The following CIT variants were observed in gnomAD, a reference collection of about 807,000 sequenced individuals.
CIT encodes the protein citron rho-interacting serine/threonine kinase.
A neutral mutation model predicts 272.7 loss-of-function variants in CIT; 79 were observed. That is an observed-to-expected ratio of 0.29 (90% CI 0.24 to 0.35). CIT has a LOEUF of 0.35. CIT is among the 10% of genes least tolerant of loss of function. The pLI is 1.00. For missense variants in CIT, 1,909 were observed against 2,618.3 expected (o/e 0.73, Z 5.91); for synonymous variants, 948 against 995.6 (o/e 0.95, Z 0.90).
chr12:119,760,201 A>G lies in CIT; in HGVS notation c.2421+738T>C, dbSNP rs1961584103. On this transcript the variant is annotated intron_variant, in intron 20 of 47. Transcript: ENST00000392521. ...GATTCCATCTCAAAAAAAAAAAAAA[A>G]AAAGAGAGAGATTCTGATATGGTAA... 1.3e-5 allele frequency among the ~76,000 whole-genome samples: 2 copies of G among 151,760 alleles called. 1 individual carries two copies. Among genetic ancestry groups the G allele is most frequent in the African/African-American group, 4.8e-5 (2 of 41,298 alleles).
Position 119,690,258 on chromosome 12 carries a change from T to A in CIT, c.6079A>T (p.Met2027Leu). The A allele has an allele frequency of 6.4e-7, 1 of 1,569,542 alleles. No homozygotes were observed. The highest frequency in any genetic ancestry group is 2.0e-5 in the Admixed American group (1 of 51,066). ...GACCGCTCTCTCCGCGTGCTGAGCA[T>A]CCGGCCGGGGGACTTCTCTCGCTCC... Reference protein sequence around the residue: ...PLEREKSPGRMLSTRRERSPG... With the variant: ...PLEREKSPGRLLSTRRERSPG... Residue 2027 changes from methionine to leucine, a missense_variant, in exon 47 of 48, where the codon ATG becomes TTG. By Grantham distance (15) the Met-to-Leu change is conservative. This residue lies in a region of CIT where 780 missense variants were observed against 1,067.2 expected (regional missense o/e 0.73). Transcript: ENST00000392521. The surrounding 1 kb of genome is among the most constrained non-coding windows in gnomAD (Gnocchi z 6.0).
intron 19 of CIT, among the ~76,000 whole-genome samples, chr12:119,763,360 A>G (rs192212744): frequency 9.5e-5 from 1 of 10,570 alleles, no homozygotes; most frequent in South Asian, 1.9e-3. Context: ...AGCTGGGACT[A>G]CAGATGTGTG....
chr12:119,763,391 T>C (rs929116910), intron 19 of CIT, among the ~76,000 whole-genome samples: 5 of 152,348 alleles, frequency 3.3e-5, no homozygotes, highest in African/African-American at 1.2e-4. Flanking sequence ...GGCTAATTTT[T>C]GTATTTTTTG....
intron 28 of CIT, among the ~76,000 whole-genome samples, chr12:119,722,748 C>T (rs1274986409): frequency 6.6e-6 from 1 of 152,154 alleles, no homozygotes; most frequent in African/African-American, 2.4e-5. Flanking sequence ...GAACAAAGTG[C>T]CCAGTATACA....
chr12:119,816,632 G>A (rs2137994447), intron 9 of CIT, among the ~76,000 whole-genome samples: 1 of 152,298 alleles, frequency 6.6e-6, no homozygotes, highest in East Asian at 1.9e-4. Flanking sequence ...AGATGATTCC[G>A]ATGCTGCCGG....
intron 26 of CIT, among the ~76,000 whole-genome samples, chr12:119,731,520 G>C (rs1958442411): frequency 6.7e-6 from 1 of 149,842 alleles, no homozygotes; most frequent in East Asian, 1.9e-4. Flanking sequence ...ACTTGAATCT[G>C]ATGAGTGTCT....
intron 4 of CIT, among the ~76,000 whole-genome samples, chr12:119,853,324 CAAA>C (rs199867661): frequency 1.9e-4 from 16 of 82,720 alleles, no homozygotes; most frequent in Middle Eastern, 8.8e-3. Flanking sequence ...ACTCTGTCTC[CAAA>C]AAAAAAAAAA....
At chr12:119,800,731 G>A (rs1442773021) in intron 10 of CIT, among the ~76,000 whole-genome samples, 1 of 152,166 alleles carries the variant, frequency 6.6e-6, no homozygotes, top group Admixed American at 6.5e-5. Flanking sequence ...AGAAACACAG[G>A]GTCGCTGGCA....
intron 23 of CIT, among the ~76,000 whole-genome samples, chr12:119,745,374 CAAAAAAA>C (rs757825062): frequency 0.095 from 670 of 7,026 alleles, 30 homozygotes; most frequent in African/African-American, 0.24. Flanking sequence ...AAGAAACAAG[CAAAAAAA>C]AAAAAAAAAA....
chr12:119,817,164 T>G (rs1383429495), intron 9 of CIT, among the ~76,000 whole-genome samples: 1 of 152,110 alleles, frequency 6.6e-6, no homozygotes, highest in Non-Finnish European at 1.5e-5. Context: ...GGATGCTGTA[T>G]GTGGGGAAGA....
Position 119,710,188 on chromosome 12 carries a change from G to T in CIT, c.5071+63C>A. The T allele has an allele frequency of 6.4e-7, 1 of 1,561,480 alleles. No homozygotes were observed. Among genetic ancestry groups the T allele is most frequent in the Non-Finnish European group, 8.7e-7 (1 of 1,149,816 alleles). On this transcript the variant is annotated intron_variant, in intron 39 of 47. Coordinates refer to ENST00000392521, the MANE Select transcript of CIT (RefSeq NM_001206999.2). The surrounding 1 kb of genome is among the most constrained non-coding windows in gnomAD (Gnocchi z 5.6). Reference sequence around the variant, plus strand: ...ATTTTGTGTTTTACGAGCATGAAACGTGGCTTCAACATATTGGCTCCCTTG... The same window carrying T: ...ATTTTGTGTTTTACGAGCATGAAACTTGGCTTCAACATATTGGCTCCCTTG...
intron 37 of CIT, chr12:119,711,216 G>T: frequency 1.5e-6 from 1 of 669,192 alleles, no homozygotes; most frequent in Non-Finnish European, 2.4e-6. Context: ...TTAAGAATCT[G>T]CCAATTGCTA....
intron 7 of CIT, among the ~76,000 whole-genome samples, chr12:119,830,796 G>A (rs748604204): frequency 6.6e-6 from 1 of 152,138 alleles, no homozygotes; most frequent in African/African-American, 2.4e-5. Context: ...GTAGTGCTGA[G>A]GTTACACTGT....
rs755501458 is a variant in CIT at position 119,718,763 on chromosome 12, G to A, written c.3939C>T (p.Arg1313=). Residue 1313 remains arginine (R), a synonymous_variant, in exon 31 of 48, where the codon CGC becomes CGT. Coordinates refer to ENST00000392521, the MANE Select transcript of CIT (RefSeq NM_001206999.2). This position sits in a 1 kb window ranked among gnomAD's most constrained non-coding sequence, Gnocchi z 4.8. ...LKLALEKEKA[R]CAELEEALQK... ...GAAGGGCTTCCTCTAGCTCTGCACA[G>A]CGAGCTTTCTCCTTCTCCAGGGCCA... 1 of 1,614,158 alleles carries A rather than the reference G, an allele frequency of 6.2e-7. No individual in the cohort carries two copies. Among genetic ancestry groups the A allele is most frequent in the South Asian group, 1.1e-5 (1 of 91,082 alleles).
At chr12:119,743,304 G>A (rs906207167) in intron 23 of CIT, among the ~76,000 whole-genome samples, 10 of 152,290 alleles carry the variant, frequency 6.6e-5, no homozygotes, top group African/African-American at 2.4e-4. Flanking sequence ...CTTCTCTGAG[G>A]AGGTGGCATG....
chr12:119,732,892 G>A (rs554072069), intron 26 of CIT, among the ~76,000 whole-genome samples: 4 of 152,314 alleles, frequency 2.6e-5, no homozygotes, highest in South Asian at 4.1e-4. Flanking sequence ...AGGAAGTCAC[G>A]GGGCACACAC....
intron 5 of CIT, among the ~76,000 whole-genome samples, chr12:119,842,287 G>A (rs1052404770): frequency 6.6e-6 from 1 of 150,908 alleles, no homozygotes; most frequent in African/African-American, 2.4e-5. Flanking sequence ...TACTCAGGAG[G>A]CTGAGGCAGG....
intron 40 of CIT, among the ~76,000 whole-genome samples, chr12:119,705,771 CAAAAAAAAAA>C (rs148188101): frequency 1.5e-3 from 72 of 46,620 alleles, no homozygotes; most frequent in African/African-American, 4.8e-3. Flanking sequence ...GACTCTGTCT[CAAAAAAAAAA>C]AAAAAAAAAA....
intron 4 of CIT, among the ~76,000 whole-genome samples, chr12:119,850,781 C>T (rs181054330): frequency 6.6e-6 from 1 of 152,278 alleles, no homozygotes; most frequent in African/African-American, 2.4e-5. Flanking sequence ...GACACAGTGC[C>T]GTCCCAAGCA....
Sources: gnomAD v4.1 joint callset for allele counts (sites outside exome capture counted in the v4.1 genomes callset) on GRCh38, gnomAD v4.1.1 for gene constraint, gnomAD v4.1.1 regional missense constraint, Gnocchi (gnomAD v3.1) non-coding constraint, MANE v1.5 for transcripts, NCBI Gene and HGNC (gene_info 2026-07-23, HGNC 2026-07-21) for gene names.